Variants in CCDC187 observed in about 807,000 individuals in gnomAD.
The protein encoded by CCDC187 is coiled-coil domain containing 187.
A neutral mutation model predicts 38.0 loss-of-function variants in CCDC187; 32 were observed. The ratio of observed to expected loss-of-function variants is 0.84; its 90% CI spans 0.64 to 1.13. CCDC187 has a LOEUF of 1.13. Ranked by LOEUF, CCDC187 falls within the 50% of genes most tolerant of loss-of-function variation. The pLI, the probability that CCDC187 is intolerant of heterozygous loss-of-function variation, is 0.00. For synonymous variants in CCDC187, 333 were observed against 347.9 expected, an observed-to-expected ratio of 0.96 and a Z score of 0.48; for missense variants, 707 against 786.8, an observed-to-expected ratio of 0.90 and a Z score of 1.21.
chr9:136,254,530 G>A lies in CCDC187; in HGVS notation c.5298C>T (p.Cys1766=), dbSNP rs1405349660. 19 of 985,338 alleles carry A rather than the reference G, an allele frequency of 1.9e-5. No homozygotes were observed. The South Asian group carries it at 2.3e-4, about 12-fold the overall frequency. 61.0% of individuals were successfully genotyped at this position (985,338 alleles called of 1,614,324 possible). A position where few individuals can be genotyped will look rare whatever the true frequency, so the allele number is the denominator to read the frequency against. ...TACAGGGTTCTGGCAGGTCCTCCTCGCAGTCCTCCTCCCAAACTTTGCTGG... is the reference window on the plus strand; with the variant it reads ...TACAGGGTTCTGGCAGGTCCTCCTCACAGTCCTCCTCCCAAACTTTGCTGG... ...EASSKVWEED[C]EEDLPEPCTG... Residue 1766 remains cysteine, a synonymous_variant, in exon 26 of 26, where the codon TGC becomes TGT. Coordinates refer to ENST00000638797, the MANE Select transcript of CCDC187 (RefSeq NM_001378188.1).
At chr9:136,270,285 T>A (rs1483335089) in intron 14 of CCDC187, among the ~76,000 whole-genome samples, 1 of 152,122 alleles carries the variant, frequency 6.6e-6, no homozygotes, top group Non-Finnish European at 1.5e-5. Context: ...TGGCCCCCAA[T>A]GGCTGGGCAC....
intron 14 of CCDC187, among the ~76,000 whole-genome samples, chr9:136,272,039 A>G (rs1480002792): frequency 6.6e-6 from 1 of 152,226 alleles, no homozygotes; most frequent in African/African-American, 2.4e-5. Flanking sequence ...AAGTACTGAA[A>G]GGGAAAAACT....
upstream of CCDC187, among the ~76,000 whole-genome samples, chr9:136,306,656 G>A (rs1020965509): frequency 5.1e-4 from 78 of 152,312 alleles, no homozygotes; most frequent in African/African-American, 1.8e-3. Flanking sequence ...GGGTCAGAAG[G>A]CCGGGCGTGC....
chr9:136,281,510 C>T (rs1215441553), intron 10 of CCDC187, 41 bp downstream of exon 10: 4 of 395,804 alleles, frequency 1.0e-5, no homozygotes, highest in African/African-American at 6.3e-5. Flanking sequence ...CCCGGCCACC[C>T]GACCAGCCAG....
At chr9:136,295,216 G>C (rs1199264436) in intron 4 of CCDC187, among the ~76,000 whole-genome samples, 1 of 152,200 alleles carries the variant, frequency 6.6e-6, no homozygotes, top group Non-Finnish European at 1.5e-5. Flanking sequence ...CTCCATCCTA[G>C]TCCCTACAGC....
rs73670216 is a variant in CCDC187 at position 136,258,543 on chromosome 9, G to C, written c.4366+389C>G. The stretch of plus-strand genomic sequence containing the variant: ...TGCAAATTGGGGACTTGGCTCTCGG[G>C]GGGGGCCCCGGCCAAGTGTAAGGTT... On this transcript the variant is annotated intron_variant, in intron 22 of 25. Transcript: ENST00000638797. The surrounding 1 kb of genome is among the most constrained non-coding windows in gnomAD (Gnocchi z 4.3). Among the ~76,000 whole-genome samples the C allele has an allele frequency of 6.6e-6, 1 of 152,232 alleles. No homozygotes were observed. Among genetic ancestry groups the C allele is most frequent in the East Asian group, 1.9e-4 (1 of 5,158 alleles).
chr9:136,276,717 C>CT lies in CCDC187; in HGVS notation c.3050dup (p.Asp1018GlyfsTer136), dbSNP rs1830937103. The CT allele has an allele frequency of 1.8e-4, 28 of 152,292 alleles. No homozygotes were observed. Among genetic ancestry groups the CT allele is most frequent in the Admixed American group, 1.6e-3 (25 of 15,292 alleles). 9.4% of individuals were successfully genotyped at this position (152,292 alleles called of 1,614,324 possible). A position where few individuals can be genotyped will look rare whatever the true frequency, so the allele number is the denominator to read the frequency against. ...TGGGAAGGCATCTCACACATGGGTC[C>CT]TCCTGCTGACCTGTGGAACCATGGA... On this transcript the variant is annotated frameshift_variant, in exon 11 of 26. Coordinates refer to ENST00000638797, the MANE Select transcript of CCDC187 (RefSeq NM_001378188.1). LOFTEE classifies it high-confidence loss of function.
upstream of CCDC187, among the ~76,000 whole-genome samples, chr9:136,304,505 C>G (rs1831767883): frequency 6.6e-6 from 1 of 152,188 alleles, no homozygotes; most frequent in Admixed American, 6.5e-5. Context: ...CACCCTTTGC[C>G]CACAGTGACA....
chr9:136,289,906 G>GGCCC, intron 7 of CCDC187, 53 bp downstream of exon 7: 2 of 353,714 alleles, frequency 5.7e-6, no homozygotes, highest in African/African-American at 2.1e-5. Flanking sequence ...ACTGTTCTTG[G>GGCCC]CCCCCCCCAA....
chr9:136,284,941 G>T (rs1831138308), intron 9 of CCDC187, among the ~76,000 whole-genome samples: 1 of 152,142 alleles, frequency 6.6e-6, no homozygotes, highest in Non-Finnish European at 1.5e-5. Flanking sequence ...GGGCTCACTG[G>T]GGCTGCAGGC....
rs1454756623 is a variant in CCDC187 at position 136,253,126 on chromosome 9, G to C, written c.*468C>G. ...GGGTCTTGGCCAAGCAGGCTCGGCT[G>C]CCCAGGGACCCTGCCGCAGGTGAGG... is the stretch of plus-strand genomic sequence containing the variant. On this transcript the variant is annotated 3_prime_UTR_variant, in exon 26 of 26. Coordinates refer to ENST00000638797, the MANE Select transcript of CCDC187 (RefSeq NM_001378188.1). The C allele has an allele frequency of 2.6e-5, 4 of 152,308 alleles. No homozygotes were observed. Among genetic ancestry groups the C allele is most frequent in the Non-Finnish European group, 5.9e-5 (4 of 68,176 alleles). The allele number at this position is 152,308 out of a possible 1,614,324, so 9.4% of individuals were successfully genotyped here. A position where few individuals can be genotyped will look rare whatever the true frequency, so the allele number is the denominator to read the frequency against.
At chr9:136,284,832 G>A (rs1439374899) in intron 9 of CCDC187, among the ~76,000 whole-genome samples, 3 of 152,192 alleles carry the variant, frequency 2.0e-5, no homozygotes, top group South Asian at 2.1e-4. Flanking sequence ...GGGAGGGAGC[G>A]GCCGCCTCGT....
At chr9:136,293,731 C>G (rs1330679192) in intron 4 of CCDC187, among the ~76,000 whole-genome samples, 3 of 152,130 alleles carry the variant, frequency 2.0e-5, no homozygotes, top group Non-Finnish European at 1.5e-5. Context: ...CTCACTCATG[C>G]ATTCACACAT....
At chr9:136,266,587 G>A (rs1210411091) in intron 16 of CCDC187, 6 of 152,224 alleles carry the variant, frequency 3.9e-5, no homozygotes, top group African/African-American at 1.2e-4. Flanking sequence ...GCAAAACGTT[G>A]GAGACAACCT....
In CCDC187 at chr9:136,257,381, TA is replaced by T. The variant is rs1830626354; in HGVS notation, c.4367-541del. On this transcript the variant is annotated intron_variant, in intron 22 of 25. Transcript: ENST00000638797. The surrounding 1 kb of genome is among the most constrained non-coding windows in gnomAD (Gnocchi z 4.5). ...GTGAGACTTTGTCTCAAAATTATAA[TA>T]ATAATAATAATAATAATAATAATAA... Among the ~76,000 whole-genome samples the T allele has an allele frequency of 2.3e-4, 31 of 133,178 alleles. No homozygotes were observed. The highest frequency in any genetic ancestry group is 3.5e-4 in the African/African-American group (12 of 34,654). The allele number at this position is 133,178 out of a possible 152,430, so 87.4% of individuals were successfully genotyped here. A position where few individuals can be genotyped will look rare whatever the true frequency, so the allele number is the denominator to read the frequency against.
Position 136,251,409 on chromosome 9 carries a change from TG to T in CCDC187, c.*2184del, listed in dbSNP as rs1400798160. ...GAAATGACCTTGGGCCCTTGAGCCG[TG>T]GCTTCCTCTGGTCTGTGCAGCTCAG... On this transcript the variant is annotated 3_prime_UTR_variant, in exon 26 of 26. Transcript: ENST00000638797. The T allele has an allele frequency of 4.1e-6, 1 of 245,766 alleles. No homozygotes were observed. Among genetic ancestry groups the T allele is most frequent in the African/African-American group, 2.2e-5 (1 of 45,256 alleles). The allele number at this position is 245,766 out of a possible 1,614,324, so 15.2% of individuals were successfully genotyped here.
chr9:136,267,611 T>C lies in CCDC187; in HGVS notation c.3520-100A>G, dbSNP rs187436015. 384 of 985,598 alleles carry C rather than the reference T, an allele frequency of 3.9e-4. 1 individual carries two copies. The African/African-American group carries it at 6.3e-3, about 16-fold the overall frequency. The allele number at this position is 985,598 out of a possible 1,614,324, so 61.1% of individuals were successfully genotyped here. On this transcript the variant is annotated intron_variant, in intron 15 of 25. Coordinates refer to ENST00000638797, the MANE Select transcript of CCDC187 (RefSeq NM_001378188.1). ...GTGGGCCGCGTCACCGCCTAGCTTC[T>C]AGACCGCTCCCAGCACAGGCCACCG...
chr9:136,255,409 G>C (rs1820672015), intron 25 of CCDC187, among the ~76,000 whole-genome samples: 1 of 152,198 alleles, frequency 6.6e-6, no homozygotes, highest in Non-Finnish European at 1.5e-5. Context: ...GGACTGACTG[G>C]TTGGCTCTGC....
intron 9 of CCDC187, among the ~76,000 whole-genome samples, chr9:136,284,454 C>A (rs1199664181): frequency 6.6e-6 from 1 of 152,164 alleles, no homozygotes; most frequent in Non-Finnish European, 1.5e-5. Flanking sequence ...GCTGAGTTTT[C>A]GAGCCCGGGT....
Sources: gnomAD v4.1 joint callset for allele counts (sites outside exome capture counted in the v4.1 genomes callset) on GRCh38, gnomAD v4.1.1 for gene constraint, Gnocchi (gnomAD v3.1) non-coding constraint, MANE v1.5 for transcripts, NCBI Gene and HGNC (gene_info 2026-07-23, HGNC 2026-07-21) for gene names.